Variants in WWC2 observed in about 807,000 individuals in gnomAD.
WWC2 encodes the protein WW and C2 domain containing 2, also known as protein WWC2.
WWC2 carries 101 observed loss-of-function variants against 138.5 expected under a neutral mutation model. The observed-to-expected ratio is 0.73, with a 90% CI of 0.62 to 0.86. The LOEUF (loss-of-function observed/expected upper bound fraction) is 0.86. Ranked by LOEUF, WWC2 falls within the 40% of genes least tolerant of loss-of-function variation. WWC2 has a pLI of 0.00. For missense variants in WWC2, 1,420 were observed against 1,419.4 expected, an observed-to-expected ratio of 1.00 and a Z score of -0.01; for synonymous variants, 558 against 538.4, an observed-to-expected ratio of 1.04 and a Z score of -0.50.
intron 6 of WWC2, among the ~76,000 whole-genome samples, chr4:183,248,141 G>C (rs2111330161): frequency 6.6e-6 from 1 of 152,228 alleles, no homozygotes; most frequent in East Asian, 1.9e-4. Context: ...ACCACAGGCA[G>C]TGCCATGCAG....
intron 11 of WWC2, among the ~76,000 whole-genome samples, chr4:183,263,817 C>G (rs912353726): frequency 6.6e-5 from 10 of 152,170 alleles, no homozygotes; most frequent in Admixed American, 6.5e-4. Context: ...CAGGGGACGT[C>G]TGCCCTGCAT....
intron 2 of WWC2, among the ~76,000 whole-genome samples, chr4:183,195,319 C>T (rs986449444): frequency 1.3e-5 from 2 of 152,162 alleles, no homozygotes; most frequent in Non-Finnish European, 2.9e-5. Context: ...AGAAACCAAC[C>T]TCGCCATCCT....
chr4:183,227,855 G>A (rs1285582595), intron 4 of WWC2, among the ~76,000 whole-genome samples: 1 of 151,978 alleles, frequency 6.6e-6, no homozygotes, highest in African/African-American at 2.4e-5. Flanking sequence ...TGAGAGTAAT[G>A]TATGGCATCA....
At chr4:183,110,371 T>C (rs1732193962) in intron 1 of WWC2, among the ~76,000 whole-genome samples, 1 of 151,976 alleles carries the variant, frequency 6.6e-6, no homozygotes, top group South Asian at 2.1e-4. Context: ...AATTATTCCA[T>C]ATATTATCCT....
In WWC2 at chr4:183,099,360, CGCGCCCT is replaced by C. The variant is rs1347350075; in HGVS notation, c.-125_-119del. On this transcript the variant is annotated 5_prime_UTR_variant, in exon 1 of 23. Coordinates refer to ENST00000403733, the MANE Select transcript of WWC2 (RefSeq NM_024949.6). ...TCCCGCGCGTGGTTCCGCCGCGCCC[CGCGCCCT>C]GCGCCCCTCAGCCCCTCGCCGGCGC... 9 of 973,320 alleles carry C rather than the reference CGCGCCCT, an allele frequency of 9.2e-6. No homozygotes were observed. Among genetic ancestry groups the C allele is most frequent in the African/African-American group, 5.2e-5 (3 of 57,544 alleles). The allele number at this position is 973,320 out of a possible 1,614,324, so 60.3% of individuals were successfully genotyped here.
intron 16 of WWC2, among the ~76,000 whole-genome samples, chr4:183,279,960 C>G (rs1042614488): frequency 2.6e-5 from 4 of 151,960 alleles, no homozygotes; most frequent in African/African-American, 9.7e-5. Flanking sequence ...CTCTCAATGC[C>G]TTTAGTGTAT....
intron 4 of WWC2, among the ~76,000 whole-genome samples, chr4:183,236,153 G>A (rs896192251): frequency 1.4e-4 from 22 of 152,128 alleles, no homozygotes; most frequent in Non-Finnish European, 1.5e-5. Flanking sequence ...TGTCAAAAAT[G>A]AGTTCACTGT....
intron 1 of WWC2, among the ~76,000 whole-genome samples, chr4:183,176,139 G>T (rs1734461534): frequency 6.6e-6 from 1 of 152,184 alleles, no homozygotes. Flanking sequence ...AGGATCTGGT[G>T]CTGTGCCAGA....
intron 19 of WWC2, among the ~76,000 whole-genome samples, chr4:183,285,208 T>C (rs1051987685): frequency 1.3e-5 from 2 of 152,006 alleles, no homozygotes; most frequent in Non-Finnish European, 2.9e-5. Context: ...TTGGGGGTGA[T>C]ACGCAGGATT....
At position 183,188,833 on chromosome 4, in the gene WWC2, C is replaced by T. The variant is rs542512833; in HGVS notation, c.132-4766C>T. Among the ~76,000 whole-genome samples the T allele has an allele frequency of 7.8e-4, 118 of 151,202 alleles. 1 individual carries two copies. Among genetic ancestry groups the T allele is most frequent in the Middle Eastern group, 3.4e-3 (1 of 292 alleles). On this transcript the variant is annotated intron_variant, in intron 1 of 22. Coordinates refer to ENST00000403733, the MANE Select transcript of WWC2 (RefSeq NM_024949.6). ...CTAATTTTTGTATTTTTAGTAGAGACGGGGGTTTCACCAAGTTGGCCAGGC... is the reference window on the plus strand; with the variant it reads ...CTAATTTTTGTATTTTTAGTAGAGATGGGGGTTTCACCAAGTTGGCCAGGC...
At chr4:183,205,646 T>G (rs887317355) in intron 2 of WWC2, among the ~76,000 whole-genome samples, 4 of 152,216 alleles carry the variant, frequency 2.6e-5, no homozygotes, top group African/African-American at 4.8e-5. Context: ...TTAAGTTACT[T>G]GCTGACCAGC....
At chr4:183,104,350 C>T (rs1743285558) in intron 1 of WWC2, among the ~76,000 whole-genome samples, 1 of 152,174 alleles carries the variant, frequency 6.6e-6, no homozygotes, top group South Asian at 2.1e-4. Flanking sequence ...AATTGAGCTA[C>T]TCTCTTATTT....
intron 22 of WWC2, among the ~76,000 whole-genome samples, chr4:183,315,286 C>T (rs1052646090): frequency 2.0e-5 from 3 of 152,170 alleles, no homozygotes; most frequent in Admixed American, 6.5e-5. Context: ...GTGTGCTTTT[C>T]TGTGAGGTTA....
At chr4:183,295,007 T>G (rs956925554) in intron 21 of WWC2, among the ~76,000 whole-genome samples, 3 of 152,168 alleles carry the variant, frequency 2.0e-5, no homozygotes, top group Non-Finnish European at 4.4e-5. Flanking sequence ...AGTTGATGTT[T>G]GAGGCACACA....
At chr4:183,300,496 T>G (rs1055370571) in intron 21 of WWC2, among the ~76,000 whole-genome samples, 12 of 148,122 alleles carry the variant, frequency 8.1e-5, no homozygotes, top group Non-Finnish European at 1.5e-4. Flanking sequence ...ATGCCAAAGA[T>G]ATTAATACAC....
intron 1 of WWC2, among the ~76,000 whole-genome samples, chr4:183,116,602 C>G (rs1732418391): frequency 6.6e-6 from 1 of 152,206 alleles, no homozygotes. Flanking sequence ...GCCTCCCTGG[C>G]TTTGGAAGAT....
chr4:183,198,817 G>A (rs569074756), intron 2 of WWC2, among the ~76,000 whole-genome samples: 6 of 73,192 alleles, frequency 8.2e-5, no homozygotes, highest in African/African-American at 2.4e-4. Context: ...AAAAAAAAAG[G>A]TTCCTTTTGT....
At chr4:183,208,911 C>A in intron 3 of WWC2, 38 bp from the exon 4 acceptor site, 1 of 1,400,426 alleles carries the variant, frequency 7.1e-7, no homozygotes, top group South Asian at 1.3e-5. Flanking sequence ...AGTTATGCAA[C>A]TTGTAAATAA....
intron 2 of WWC2, among the ~76,000 whole-genome samples, chr4:183,199,274 G>T (rs1358103538): frequency 6.6e-6 from 1 of 152,146 alleles, no homozygotes; most frequent in Non-Finnish European, 1.5e-5. Flanking sequence ...AACGGGCCAG[G>T]TTCTTTTGTC....
Sources: allele counts gnomAD v4.1 joint callset (sites outside exome capture counted in the v4.1 genomes callset), GRCh38; gene constraint gnomAD v4.1.1; transcripts MANE v1.5; gene names NCBI Gene and HGNC (gene_info 2026-07-23, HGNC 2026-07-21).